Variants in CFAP300 observed in about 807,000 individuals in gnomAD.
CFAP300 encodes the protein cilia and flagella associated protein 300, also known as cilia- and flagella-associated protein 300.
In CFAP300, 32 loss-of-function variants were observed where a neutral mutation model predicts 33.0. That is an observed-to-expected ratio of 0.97 (90% CI 0.73 to 1.30). The LOEUF (loss-of-function observed/expected upper bound fraction) is 1.30. CFAP300 is among the 50% of genes most tolerant of loss of function. The probability of loss-of-function intolerance (pLI) is 0.00; values close to 1 mark genes in which losing one functional copy is unlikely to be tolerated. For synonymous variants in CFAP300, 102 were observed against 106.8 expected (o/e 0.95, Z 0.28); for missense variants, 356 against 318.1 (o/e 1.12, Z -0.90).
chr11:102,047,648 C>T, intron 1 of CFAP300, 68 bp downstream of exon 1: 1 of 1,485,770 alleles, frequency 6.7e-7, no homozygotes, highest in Non-Finnish European at 9.1e-7. Context: ...GCAGGCCGGG[C>T]GTCGAGGGGC....
Position 102,056,589 on chromosome 11 carries a change from GGGGTTTTTTGTTTGTTTGTTTGTTTTTT to G in CFAP300, c.193-2264_193-2237del, listed in dbSNP as rs984246912. 3.4e-4 allele frequency among the ~76,000 whole-genome samples: 52 copies of G among 151,896 alleles called. No individual in the cohort carries two copies. In the East Asian group the frequency reaches 9.3e-3, roughly 27 times the overall value. ...TTCCTAAAGTTTATTGGCTATTTGT[GGGGTTTTTTGTTTGTTTGTTTGTTTTTT>G]GGGTTTTTTGTTTGTTTGTTTGTTT... On this transcript the variant is annotated intron_variant, in intron 2 of 6. Coordinates refer to ENST00000434758, the MANE Select transcript of CFAP300 (RefSeq NM_032930.3).
At chr11:102,061,018 A>G (rs2135026875) in intron 3 of CFAP300, among the ~76,000 whole-genome samples, 1 of 152,340 alleles carries the variant, frequency 6.6e-6, no homozygotes, top group Middle Eastern at 3.4e-3. Context: ...CAGTCAATCT[A>G]TTTGAAAAAA....
At position 102,084,471 on chromosome 11, in the gene CFAP300, A is replaced by G. The variant is rs1365771229; in HGVS notation, c.*1272A>G. ...CTAACACAATGACTTGGCATATTAA[A>G]TGTTTATTGAATGAATAACTACTTT... On this transcript the variant is annotated 3_prime_UTR_variant, in exon 7 of 7. Coordinates refer to ENST00000434758, the MANE Select transcript of CFAP300 (RefSeq NM_032930.3). 6.6e-6 allele frequency: 1 copy of G among 152,206 alleles called. No individual in the cohort carries two copies. Among genetic ancestry groups the G allele is most frequent in the Admixed American group, 6.5e-5 (1 of 15,282 alleles). 9.4% of individuals were successfully genotyped at this position (152,206 alleles called of 1,614,324 possible). A position where few individuals can be genotyped will look rare whatever the true frequency, so the allele number is the denominator to read the frequency against.
At chr11:102,060,144 G>C (rs555784849) in intron 3 of CFAP300, among the ~76,000 whole-genome samples, 63 of 152,076 alleles carry the variant, frequency 4.1e-4, no homozygotes, top group Non-Finnish European at 2.9e-5. Flanking sequence ...GCTAATTTTT[G>C]TGTTTTTAGT....
intron 3 of CFAP300, 85 bp downstream of exon 3, chr11:102,059,040 A>T (rs1340571885): frequency 6.6e-6 from 5 of 762,354 alleles, no homozygotes; most frequent in East Asian, 2.9e-5. Flanking sequence ...TAAAATATAA[A>T]TTGGGAATGA....
intron 4 of CFAP300, among the ~76,000 whole-genome samples, chr11:102,068,201 A>G (rs542016198): frequency 6.6e-6 from 1 of 152,322 alleles, no homozygotes; most frequent in Admixed American, 6.5e-5. Context: ...TGTTATTATT[A>G]TCCTTAATTA....
intron 2 of CFAP300, among the ~76,000 whole-genome samples, chr11:102,055,491 G>C (rs974479256): frequency 3.3e-5 from 5 of 150,296 alleles, no homozygotes; most frequent in African/African-American, 1.2e-4. Flanking sequence ...CCGAGTAGCT[G>C]GGGCCACAGG....
intron 5 of CFAP300, among the ~76,000 whole-genome samples, chr11:102,076,372 A>C (rs1179478091): frequency 6.6e-6 from 1 of 152,208 alleles, no homozygotes; most frequent in Non-Finnish European, 1.5e-5. Flanking sequence ...AGGGAACACA[A>C]GAGATCCCTC....
chr11:102,054,100 A>G (rs1216482141), intron 2 of CFAP300, among the ~76,000 whole-genome samples: 2 of 152,210 alleles, frequency 1.3e-5, no homozygotes, highest in Non-Finnish European at 2.9e-5. Context: ...AAACGCCACA[A>G]TCAGGGCTTT....
chr11:102,073,001 G>C (rs1406110905), intron 4 of CFAP300, among the ~76,000 whole-genome samples: 1 of 152,144 alleles, frequency 6.6e-6, no homozygotes, highest in Non-Finnish European at 1.5e-5. Context: ...CAGTTTTTGG[G>C]CCCCAGTAGT....
intron 1 of CFAP300, 39 bp downstream of exon 1, chr11:102,047,619 T>A: frequency 6.6e-7 from 1 of 1,523,474 alleles, no homozygotes; most frequent in Non-Finnish European, 8.8e-7. Context: ...AGGCCCTTGG[T>A]CTTCGCGGCT....
At chr11:102,069,253 T>C (rs1301174646) in intron 4 of CFAP300, among the ~76,000 whole-genome samples, 1 of 152,166 alleles carries the variant, frequency 6.6e-6, no homozygotes, top group Non-Finnish European at 1.5e-5. Context: ...TTCTGGCTGA[T>C]AAAAAATAAA....
chr11:102,056,821 C>T (rs1453794249), intron 2 of CFAP300, among the ~76,000 whole-genome samples: 6 of 151,762 alleles, frequency 4.0e-5, no homozygotes, highest in South Asian at 4.2e-4. Context: ...AGACGGGGTT[C>T]GCCATGTTAG....
intron 4 of CFAP300, among the ~76,000 whole-genome samples, chr11:102,074,079 G>A (rs1409037832): frequency 3.3e-5 from 5 of 152,176 alleles, no homozygotes; most frequent in Non-Finnish European, 5.9e-5. Context: ...CAGAGTCCAT[G>A]TGGACATTTG....
chr11:102,063,837 AG>A (rs2135030437), intron 3 of CFAP300, among the ~76,000 whole-genome samples: 1 of 152,294 alleles, frequency 6.6e-6, no homozygotes, highest in Non-Finnish European at 1.5e-5. Context: ...AGAAAAAAAA[AG>A]TTTGTGGGGC....
At chr11:102,062,791 A>C (rs1454778190) in intron 3 of CFAP300, among the ~76,000 whole-genome samples, 3 of 152,154 alleles carry the variant, frequency 2.0e-5, no homozygotes, top group Non-Finnish European at 2.9e-5. Context: ...GCCATTTGAT[A>C]AAGAGATCAT....
chr11:102,064,874 T>C (rs1279783230), intron 3 of CFAP300, among the ~76,000 whole-genome samples: 2 of 152,164 alleles, frequency 1.3e-5, no homozygotes, highest in African/African-American at 4.8e-5. Flanking sequence ...GGACCTCTAG[T>C]AGCAGAAAAT....
chr11:102,047,602 A>G, intron 1 of CFAP300, 22 bp downstream of exon 1: 1 of 1,530,668 alleles, frequency 6.5e-7, no homozygotes, highest in Non-Finnish European at 8.8e-7. Flanking sequence ...AGGCACAGGG[A>G]GAGAAGAGGC....
At chr11:102,049,145 G>A (rs1252156904) in intron 2 of CFAP300, among the ~76,000 whole-genome samples, 22 of 152,210 alleles carry the variant, frequency 1.4e-4, no homozygotes, top group Non-Finnish European at 1.5e-5. Context: ...TCATAGTTCT[G>A]GAGGCTAGAA....
Sources: gnomAD v4.1 joint callset for allele counts (sites outside exome capture counted in the v4.1 genomes callset) on GRCh38, gnomAD v4.1.1 for gene constraint, MANE v1.5 for transcripts, NCBI Gene and HGNC (gene_info 2026-07-23, HGNC 2026-07-21) for gene names.